Variants in KCNH5 observed in about 807,000 individuals in gnomAD.
KCNH5 encodes the protein potassium voltage-gated channel subfamily H member 5.
KCNH5 carries 46 observed loss-of-function variants against 96.1 expected under a neutral mutation model. That is an observed-to-expected ratio of 0.48 (90% CI 0.38 to 0.61). The LOEUF is 0.61. KCNH5 is among the 20% of genes least tolerant of loss of function. KCNH5 has a pLI of 0.00. For missense variants in KCNH5, 907 were observed against 1,225.8 expected, an observed-to-expected ratio of 0.74 and a Z score of 3.88; for synonymous variants, 439 against 449.8, an observed-to-expected ratio of 0.98 and a Z score of 0.30.
chr14:63,025,466 A>G (rs1891506490), intron 1 of KCNH5, among the ~76,000 whole-genome samples: 1 of 152,118 alleles, frequency 6.6e-6, no homozygotes, highest in African/African-American at 2.4e-5. Flanking sequence ...TCTTATATGT[A>G]GAAAAAAACT....
At chr14:62,924,811 T>A (rs958528902) in intron 7 of KCNH5, among the ~76,000 whole-genome samples, 3 of 151,666 alleles carry the variant, frequency 2.0e-5, no homozygotes, top group Non-Finnish European at 2.9e-5. Context: ...TACTTAGAAG[T>A]GGGGGAAATG....
At chr14:62,726,743 A>C (rs1884934318) in intron 10 of KCNH5, among the ~76,000 whole-genome samples, 1 of 152,180 alleles carries the variant, frequency 6.6e-6, no homozygotes, top group African/African-American at 2.4e-5. Flanking sequence ...CAGCAATTTT[A>C]CTCTTAGGTA....
intron 10 of KCNH5, among the ~76,000 whole-genome samples, chr14:62,762,705 AAAAC>A (rs895016596): frequency 3.3e-5 from 5 of 152,162 alleles, no homozygotes; most frequent in African/African-American, 4.8e-5. Flanking sequence ...AAGCAAATGG[AAAAC>A]AAACAAACAA....
rs533636207 is a variant in KCNH5 at position 62,703,831 on chromosome 14, T to C, written c.*3677A>G. Reference sequence around the variant, plus strand: ...CATGGAATTTTGGAAAACAAACTCATAGAAAATTGCTTAAAAGATAAAAAT... The same window carrying C: ...CATGGAATTTTGGAAAACAAACTCACAGAAAATTGCTTAAAAGATAAAAAT... On this transcript the variant is annotated 3_prime_UTR_variant, in exon 11 of 11. Transcript: ENST00000322893. 6.6e-6 allele frequency: 1 copy of C among 151,800 alleles called. No individual in the cohort carries two copies. Among genetic ancestry groups the C allele is most frequent in the East Asian group, 1.9e-4 (1 of 5,194 alleles). The allele number at this position is 151,800 out of a possible 1,614,324, so 9.4% of individuals were successfully genotyped here. A position where few individuals can be genotyped will look rare whatever the true frequency, so the allele number is the denominator to read the frequency against.
At chr14:62,920,595 A>G (rs1889361815) in intron 7 of KCNH5, among the ~76,000 whole-genome samples, 1 of 152,100 alleles carries the variant, frequency 6.6e-6, no homozygotes, top group Non-Finnish European at 1.5e-5. Context: ...GCAACTTAAA[A>G]ATCACTAGAT....
chr14:62,738,434 G>C (rs1003606324), intron 10 of KCNH5, among the ~76,000 whole-genome samples: 3 of 152,098 alleles, frequency 2.0e-5, no homozygotes, highest in South Asian at 2.1e-4. Flanking sequence ...AAGCTTTCTG[G>C]GTGCCTCAAA....
intron 7 of KCNH5, among the ~76,000 whole-genome samples, chr14:62,945,896 T>G (rs1485010595): frequency 6.6e-6 from 1 of 151,720 alleles, no homozygotes; most frequent in Admixed American, 6.6e-5. Context: ...GAAAGTGAAG[T>G]GAGTGAGGTA....
At chr14:63,020,946 C>T (rs1283884317) in intron 1 of KCNH5, among the ~76,000 whole-genome samples, 1 of 152,096 alleles carries the variant, frequency 6.6e-6, no homozygotes, top group Non-Finnish European at 1.5e-5. Context: ...TCAAAATGAG[C>T]TAATTTCTGC....
intron 8 of KCNH5, among the ~76,000 whole-genome samples, chr14:62,832,119 A>G (rs1315055911): frequency 6.6e-6 from 1 of 152,162 alleles, no homozygotes; most frequent in East Asian, 1.9e-4. Context: ...AATCGTCTAT[A>G]TATTATTTTT....
intron 10 of KCNH5, among the ~76,000 whole-genome samples, chr14:62,736,280 T>G (rs988503658): frequency 2.6e-5 from 4 of 152,152 alleles, no homozygotes; most frequent in African/African-American, 9.7e-5. Context: ...CATATTACTC[T>G]TCTATTCAAA....
At chr14:62,734,293 C>G (rs1885111476) in intron 10 of KCNH5, among the ~76,000 whole-genome samples, 1 of 152,110 alleles carries the variant, frequency 6.6e-6, no homozygotes, top group Non-Finnish European at 1.5e-5. Flanking sequence ...TTCAATGGCT[C>G]TAGTTTGAGC....
chr14:62,955,938 C>A (rs940620525), intron 6 of KCNH5, among the ~76,000 whole-genome samples: 2 of 152,134 alleles, frequency 1.3e-5, no homozygotes, highest in Non-Finnish European at 2.9e-5. Context: ...ATCACTCAGA[C>A]CCAGTCCTTC....
intron 6 of KCNH5, among the ~76,000 whole-genome samples, chr14:62,952,810 C>T (rs927032561): frequency 1.8e-4 from 27 of 152,082 alleles, no homozygotes; most frequent in Admixed American, 6.6e-5. Context: ...ACACACATCC[C>T]TCATCTCTAG....
intron 7 of KCNH5, among the ~76,000 whole-genome samples, chr14:62,870,718 T>C (rs1306590259): frequency 6.6e-6 from 1 of 152,116 alleles, no homozygotes; most frequent in Non-Finnish European, 1.5e-5. Flanking sequence ...AATATTATGC[T>C]CACAATTTAA....
chr14:62,809,373 C>A (rs913555291), intron 8 of KCNH5, among the ~76,000 whole-genome samples: 21 of 152,102 alleles, frequency 1.4e-4, no homozygotes, highest in African/African-American at 5.1e-4. Context: ...TTTAAGGAAT[C>A]AAACTTGACT....
At chr14:62,952,893 T>C (rs1224560667) in intron 6 of KCNH5, among the ~76,000 whole-genome samples, 1 of 152,098 alleles carries the variant, frequency 6.6e-6, no homozygotes, top group Non-Finnish European at 1.5e-5. Flanking sequence ...CAAAAGCACA[T>C]TTTCTAATAT....
At chr14:62,908,782 A>ACTTTTTTTTTTTTTTTTTTTTTT (rs71451284) in intron 7 of KCNH5, among the ~76,000 whole-genome samples, 1 of 23,712 alleles carries the variant, frequency 4.2e-5, no homozygotes, top group African/African-American at 1.8e-4. Flanking sequence ...TTTGCTTTGT[A>ACTTTTTTTTTTTTTTTTTTTTTT]TTTTTTTTTT....
chr14:62,976,007 T>G (rs1189565400), intron 6 of KCNH5, among the ~76,000 whole-genome samples: 2 of 151,252 alleles, frequency 1.3e-5, no homozygotes, highest in Non-Finnish European at 2.9e-5. Context: ...AAGAAAAGCA[T>G]TATTAGGGAC....
At chr14:62,831,893 T>G (rs532227146) in intron 8 of KCNH5, among the ~76,000 whole-genome samples, 1 of 152,010 alleles carries the variant, frequency 6.6e-6, no homozygotes. Flanking sequence ...TCTTATTTTT[T>G]GTAGAGACAA....
Sources: allele counts gnomAD v4.1 joint callset (sites outside exome capture counted in the v4.1 genomes callset), GRCh38; gene constraint gnomAD v4.1.1; transcripts MANE v1.5; gene names NCBI Gene and HGNC (gene_info 2026-07-23, HGNC 2026-07-21).